Variants in SCTR observed in about 807,000 individuals in gnomAD.
SCTR encodes secretin receptor, also known as pancreatic secretin receptor.
SCTR carries 56 observed loss-of-function variants against 60.8 expected under a neutral mutation model. The observed-to-expected ratio is 0.92, with a 90% CI of 0.74 to 1.15. The LOEUF is 1.15. Ranked by LOEUF, SCTR falls within the 50% of genes most tolerant of loss-of-function variation. The probability of loss-of-function intolerance (pLI) is 0.00; values close to 1 mark genes in which losing one functional copy is unlikely to be tolerated. For synonymous variants in SCTR, 202 were observed against 217.0 expected (o/e 0.93, Z 0.61); for missense variants, 562 against 550.4 (o/e 1.02, Z -0.21).
chr2:119,462,567 C>T (rs1255273204), intron 6 of SCTR, among the ~76,000 whole-genome samples: 1 of 152,206 alleles, frequency 6.6e-6, no homozygotes, highest in Non-Finnish European at 1.5e-5. Flanking sequence ...GATGCAGTGA[C>T]TGACTCTTTT....
chr2:119,449,221 G>A (rs1683048888), intron 9 of SCTR, among the ~76,000 whole-genome samples: 1 of 152,176 alleles, frequency 6.6e-6, no homozygotes, highest in Admixed American at 6.5e-5. Flanking sequence ...TAACCCCACA[G>A]GTTATGGTTC....
intron 1 of SCTR, among the ~76,000 whole-genome samples, chr2:119,523,901 G>C (rs1679369487): frequency 1.3e-5 from 2 of 152,222 alleles, no homozygotes; most frequent in South Asian, 2.1e-4. Flanking sequence ...ACCAGAGGAA[G>C]GGGTCGGTGG....
In SCTR at chr2:119,524,290, G is replaced by A. The variant is rs1461853488; in HGVS notation, c.-64C>T. On this transcript the variant is annotated 5_prime_UTR_variant, in exon 1 of 13. Coordinates refer to ENST00000019103, the MANE Select transcript of SCTR (RefSeq NM_002980.3). ...CTGCCCGTGCCCTCTGCCCGCTCGG[G>A]AGCTCAGCGCCCCGCGCAGGGTCCC... 1 of 1,142,414 alleles carries A rather than the reference G, an allele frequency of 8.8e-7. No homozygotes were observed. The highest frequency in any genetic ancestry group is 1.2e-6 in the Non-Finnish European group (1 of 866,072). 70.8% of individuals were successfully genotyped at this position (1,142,414 alleles called of 1,614,324 possible).
chr2:119,444,488 T>C lies in SCTR; in HGVS notation c.1140+2271A>G, dbSNP rs182952388. Among the ~76,000 whole-genome samples the C allele has an allele frequency of 2.6e-4, 25 of 97,424 alleles. 3 individuals carry two copies. Among genetic ancestry groups the C allele is most frequent in the South Asian group, 1.4e-3 (4 of 2,772 alleles). The allele number at this position is 97,424 out of a possible 152,430, so 63.9% of individuals were successfully genotyped here. A position where few individuals can be genotyped will look rare whatever the true frequency, so the allele number is the denominator to read the frequency against. The stretch of plus-strand genomic sequence containing the variant: ...ACACATATATACGTACGTATATATA[T>C]ACACATATATACGTACGTATATATA... On this transcript the variant is annotated intron_variant, in intron 11 of 12. Coordinates refer to ENST00000019103, the MANE Select transcript of SCTR (RefSeq NM_002980.3).
chr2:119,509,879 G>A (rs1678875646), intron 1 of SCTR, among the ~76,000 whole-genome samples: 1 of 151,862 alleles, frequency 6.6e-6, no homozygotes, highest in Non-Finnish European at 1.5e-5. Flanking sequence ...GCCTATTCTA[G>A]ATACCTCACA....
At chr2:119,482,761 G>A (rs532265533) in intron 2 of SCTR, among the ~76,000 whole-genome samples, 1 of 152,286 alleles carries the variant, frequency 6.6e-6, no homozygotes, top group East Asian at 1.9e-4. Context: ...ATGCCTGTGG[G>A]ATGGGGACTT....
At chr2:119,442,348 TGC>T (rs1682686966) in intron 11 of SCTR, among the ~76,000 whole-genome samples, 1 of 152,218 alleles carries the variant, frequency 6.6e-6, no homozygotes, top group African/African-American at 2.4e-5. Flanking sequence ...GCAGTGTCTC[TGC>T]GGCGCATTCA....
intron 1 of SCTR, among the ~76,000 whole-genome samples, chr2:119,496,528 C>G (rs1678353728): frequency 6.6e-6 from 1 of 152,180 alleles, no homozygotes; most frequent in East Asian, 1.9e-4. Context: ...AAATAAGATC[C>G]TGGACATTAT....
chr2:119,456,502 G>C (rs1370932026), intron 7 of SCTR, among the ~76,000 whole-genome samples: 1 of 152,168 alleles, frequency 6.6e-6, no homozygotes, highest in Non-Finnish European at 1.5e-5. Context: ...AACACAACTA[G>C]AGAGTGAACC....
intron 1 of SCTR, among the ~76,000 whole-genome samples, chr2:119,504,791 G>A (rs932902358): frequency 6.6e-6 from 1 of 152,070 alleles, no homozygotes; most frequent in African/African-American, 2.4e-5. Context: ...ACAAGCTATG[G>A]AATCGGAGAA....
rs140318793 is a variant in SCTR at position 119,454,304 on chromosome 2, C to T, written c.791-957G>A. ...ATAAGAAACAGATAAGCACCCCAGG[C>T]GGCCAGCACTACCCTCACCAGACTG... On this transcript the variant is annotated intron_variant, in intron 7 of 12. Transcript: ENST00000019103. 8.7e-3 allele frequency among the ~76,000 whole-genome samples: 1,324 copies of T among 152,180 alleles called. 15 individuals carry two copies. Among genetic ancestry groups the T allele is most frequent in the Middle Eastern group, 0.024 (7 of 294 alleles).
chr2:119,446,995 G>T (rs1463453304), intron 10 of SCTR, 110 bp from the exon 11 acceptor site: 1 of 1,176,306 alleles, frequency 8.5e-7, no homozygotes, highest in Admixed American at 3.2e-5. Flanking sequence ...GCTGAGGCTG[G>T]CTAGCAGTAC....
chr2:119,450,043 GAAAGAAA>G (rs1167526789), intron 9 of SCTR, among the ~76,000 whole-genome samples: 1 of 126,296 alleles, frequency 7.9e-6, no homozygotes, highest in Non-Finnish European at 1.7e-5. Context: ...AAGGAAGGAA[GAAAGAAA>G]AAAGAAAGAA....
intron 11 of SCTR, 148 bp from the exon 12 acceptor site, chr2:119,441,747 C>T: frequency 1.4e-6 from 1 of 709,560 alleles, no homozygotes; most frequent in Non-Finnish European, 2.5e-6. Context: ...AATTAGGCTA[C>T]CTCTTGTGGG....
intron 7 of SCTR, among the ~76,000 whole-genome samples, chr2:119,455,203 T>C (rs1461296178): frequency 2.0e-5 from 3 of 152,078 alleles, no homozygotes; most frequent in African/African-American, 7.2e-5. Flanking sequence ...TCCCTGCCAC[T>C]GCACGCTGGA....
chr2:119,501,026 A>C (rs779482807), intron 1 of SCTR, among the ~76,000 whole-genome samples: 11 of 152,222 alleles, frequency 7.2e-5, no homozygotes, highest in African/African-American at 9.6e-5. Flanking sequence ...CAATTAAAAA[A>C]ATTTAATAAC....
chr2:119,504,566 G>C (rs1363244457), intron 1 of SCTR, among the ~76,000 whole-genome samples: 1 of 151,858 alleles, frequency 6.6e-6, no homozygotes, highest in African/African-American at 2.4e-5. Context: ...ACTCCAGCCT[G>C]GGTGACAAAG....
At chr2:119,481,483 G>A (rs1032485339) in intron 2 of SCTR, among the ~76,000 whole-genome samples, 4 of 152,330 alleles carry the variant, frequency 2.6e-5, no homozygotes, top group Admixed American at 1.3e-4. Context: ...CAAAAATGCC[G>A]CTGAAGTGGT....
At chr2:119,518,842 G>T (rs1679192669) in intron 1 of SCTR, among the ~76,000 whole-genome samples, 1 of 152,140 alleles carries the variant, frequency 6.6e-6, no homozygotes, top group African/African-American at 2.4e-5. Context: ...AGGAAGAGAG[G>T]CTATGTCCTC....
Sources: gnomAD v4.1 joint callset for allele counts (sites outside exome capture counted in the v4.1 genomes callset) on GRCh38, gnomAD v4.1.1 for gene constraint, MANE v1.5 for transcripts, NCBI Gene and HGNC (gene_info 2026-07-23, HGNC 2026-07-21) for gene names.